Variants in MUC15 observed in about 807,000 individuals in gnomAD.
MUC15 encodes mucin 15, cell surface associated.
A neutral mutation model predicts 24.0 loss-of-function variants in MUC15; 23 were observed. That is an observed-to-expected ratio of 0.96 (90% CI 0.69 to 1.36). The LOEUF is 1.36. Ranked by LOEUF, MUC15 falls within the 40% of genes most tolerant of loss-of-function variation. MUC15 has a pLI of 0.00. For synonymous variants in MUC15, 151 were observed against 156.3 expected (o/e 0.97, Z 0.25); for missense variants, 442 against 428.2 (o/e 1.03, Z -0.29).
At chr11:26,570,752 G>A (rs1850791889) in intron 1 of MUC15, among the ~76,000 whole-genome samples, 1 of 152,084 alleles carries the variant, frequency 6.6e-6, no homozygotes, top group Admixed American at 6.6e-5. Flanking sequence ...CTGCTATGTA[G>A]CTAACATCTC....
In MUC15 at chr11:26,565,346, G is replaced by C; in HGVS notation, c.594C>G (p.Leu198=). The change falls in exon 3 of 5, where the codon CTC becomes CTG. Residue 198 remains leucine, a synonymous_variant. Transcript: ENST00000529533. ...CAGATGGAGAAGTTGGTTCTGAAGA[G>C]AGGATGCTAACTGTAATGGAACTGT... ...PDNSSITVSI[L]SSEPTSPSVT... 1 of 1,612,560 alleles carries C rather than the reference G, an allele frequency of 6.2e-7. No homozygotes were observed. Among genetic ancestry groups the C allele is most frequent in the Non-Finnish European group, 8.5e-7 (1 of 1,179,122 alleles).
In MUC15 at chr11:26,572,242, C is replaced by A. The variant is rs529570673; in HGVS notation, c.-247G>T. On this transcript the variant is annotated 5_prime_UTR_variant, in exon 1 of 5. It adds an upstream start codon to the 5' untranslated region. Coordinates refer to ENST00000529533, the MANE Select transcript of MUC15 (RefSeq NM_001135091.2). ...CAGAGCGCCCAGGAACCTGACTGAC[C>A]TGCTTCTCAGCTGTAAGCATTAAGA... The A allele has an allele frequency of 9.4e-5, 93 of 985,420 alleles. 1 individual carries two copies. The South Asian group carries it at 4.1e-3, about 43-fold the overall frequency. The allele number at this position is 985,420 out of a possible 1,614,324, so 61.0% of individuals were successfully genotyped here.
At chr11:26,571,538 T>G (rs1271744929) in intron 1 of MUC15, among the ~76,000 whole-genome samples, 1 of 152,086 alleles carries the variant, frequency 6.6e-6, no homozygotes, top group African/African-American at 2.4e-5. Flanking sequence ...GAAAAAGATT[T>G]ATAGAAGCTT....
chr11:26,561,126 T>A lies in MUC15; in HGVS notation c.1025A>T (p.Glu342Val), dbSNP rs1007486785. 1 of 1,612,962 alleles carries A rather than the reference T, an allele frequency of 6.2e-7. No homozygotes were observed. The highest frequency in any genetic ancestry group is 8.5e-7 in the Non-Finnish European group (1 of 1,179,304). Reference protein sequence around the residue: ...TLNDSAMPESEENARDGIPMD... With the variant: ...TLNDSAMPESVENARDGIPMD... ...AGGAATGCCATCACGTGCATTTTCT[T>A]CACTTTCTGGCATGGCTGAATCATT... Residue 342 changes from glutamate (E) to valine (V), a missense_variant, in exon 5 of 5, where the codon GAA (glutamate) becomes GTA (valine). Physicochemically the swap from Glu to Val is moderately radical, Grantham distance 121. Transcript: ENST00000529533.
intron 1 of MUC15, among the ~76,000 whole-genome samples, chr11:26,568,783 T>TTTAG (rs780260426): frequency 6.6e-6 from 1 of 151,996 alleles, no homozygotes; most frequent in Non-Finnish European, 1.5e-5. Context: ...TATAATTCAG[T>TTTAG]TTAGTTTAAA....
In MUC15 at chr11:26,559,478, G is replaced by A; in HGVS notation, c.*1587C>T. 2.2e-6 allele frequency: 1 copy of A among 444,610 alleles called. No individual in the cohort carries two copies. Among genetic ancestry groups the A allele is most frequent in the Non-Finnish European group, 4.0e-6 (1 of 248,180 alleles). 27.5% of individuals were successfully genotyped at this position (444,610 alleles called of 1,614,324 possible). On this transcript the variant is annotated 3_prime_UTR_variant, in exon 5 of 5. Transcript: ENST00000529533. Reference sequence around the variant, plus strand: ...ATTTATAATCAGAAATGATGGTGGGGTATAAAGGGAATCAAGAGAGGAGAG... The same window carrying A: ...ATTTATAATCAGAAATGATGGTGGGATATAAAGGGAATCAAGAGAGGAGAG...
At position 26,572,052 on chromosome 11, in the gene MUC15, G is replaced by C. The variant is rs1191940700; in HGVS notation, c.-57C>G. 1 of 984,196 alleles carries C rather than the reference G, an allele frequency of 1.0e-6. No homozygotes were observed. Among genetic ancestry groups the C allele is most frequent in the Non-Finnish European group, 1.2e-6 (1 of 828,988 alleles). 61.0% of individuals were successfully genotyped at this position (984,196 alleles called of 1,614,324 possible). On this transcript the variant is annotated 5_prime_UTR_variant, in exon 1 of 5. Coordinates refer to ENST00000529533, the MANE Select transcript of MUC15 (RefSeq NM_001135091.2). ...CAACGCACACTTACCTTCAGGCTTA[G>C]GAGGTATTTACAATCAGGAACTGAA...
rs1053696529 is a variant in MUC15 at position 26,559,621 on chromosome 11, T to C, written c.*1444A>G. Reference sequence around the variant, plus strand: ...TCTGTACTATAAAATAATATGATTCTATTTGAGAAAAAATCATAGTACCTG... The same window carrying C: ...TCTGTACTATAAAATAATATGATTCCATTTGAGAAAAAATCATAGTACCTG... On this transcript the variant is annotated 3_prime_UTR_variant, in exon 5 of 5. Transcript: ENST00000529533. 6.1e-6 allele frequency: 5 copies of C among 821,248 alleles called. No individual in the cohort carries two copies. Among genetic ancestry groups the C allele is most frequent in the Non-Finnish European group, 4.2e-6 (2 of 474,788 alleles). The allele number at this position is 821,248 out of a possible 1,614,324, so 50.9% of individuals were successfully genotyped here.
Position 26,565,625 on chromosome 11 carries a change from G to A in MUC15, c.315C>T (p.Pro105=), listed in dbSNP as rs985596895. The A allele has an allele frequency of 1.2e-6, 2 of 1,612,280 alleles. No homozygotes were observed. The highest frequency in any genetic ancestry group is 1.7e-6 in the Non-Finnish European group (2 of 1,178,866). Reference sequence around the variant, plus strand: ...AATCTGTTATTCCGTGGCTGTTGTTGGGTAGATTCAAAGGAGGGGAATGAC... The same window carrying A: ...AATCTGTTATTCCGTGGCTGTTGTTAGGTAGATTCAAAGGAGGGGAATGAC... ...KASHSPPLNL[P]NNSHGITDFS... is the part of the protein sequence containing the mutation. The change falls in exon 3 of 5, where the codon CCC becomes CCT. Residue 105 remains proline (P), a synonymous_variant. Transcript: ENST00000529533.
chr11:26,567,275 G>A lies in MUC15; in HGVS notation c.-45-136C>T, dbSNP rs1850627376. On this transcript the variant is annotated intron_variant, in intron 1 of 4. Coordinates refer to ENST00000529533, the MANE Select transcript of MUC15 (RefSeq NM_001135091.2). ...TTTTTTTCCTCAAGCAATAAAATCT[G>A]AGTACTGATTTCATGTTTTTGAATT... 8 of 488,756 alleles carry A rather than the reference G, an allele frequency of 1.6e-5. No individual in the cohort carries two copies. In the East Asian group the frequency reaches 2.7e-4, roughly 17 times the overall value. 30.3% of individuals were successfully genotyped at this position (488,756 alleles called of 1,614,324 possible).
intron 2 of MUC15, 63 bp downstream of exon 2, chr11:26,566,989 A>G: frequency 7.7e-7 from 1 of 1,293,750 alleles, no homozygotes; most frequent in Non-Finnish European, 1.0e-6. Context: ...TTCAAATATA[A>G]TAATATATCT....
At chr11:26,568,124 A>G (rs995223171) in intron 1 of MUC15, among the ~76,000 whole-genome samples, 1 of 152,056 alleles carries the variant, frequency 6.6e-6, no homozygotes, top group Admixed American at 6.6e-5. Context: ...TTCTGTGACA[A>G]CTAAGAAATT....
intron 3 of MUC15, among the ~76,000 whole-genome samples, chr11:26,563,974 C>CT (rs1850409505): frequency 6.6e-6 from 1 of 151,540 alleles, no homozygotes; most frequent in African/African-American, 2.4e-5. Flanking sequence ...TTTTTCTTCT[C>CT]TTTTTTTGAA....
Position 26,565,601 on chromosome 11 carries a change from A to C in MUC15, c.339T>G (p.Asp113Glu), listed in dbSNP as rs1850541775. ...NLPNNSHGIT[D>E]FSSNSSAEHS... ...GCTCTGCTGATGAGTTACTGGAGAA[A>C]TCTGTTATTCCGTGGCTGTTGTTGG... The change falls in exon 3 of 5, where the codon GAT becomes GAG. Residue 113 changes from aspartate to glutamate, a missense_variant. Asp to Glu is a conservative substitution (Grantham distance 45). Coordinates refer to ENST00000529533, the MANE Select transcript of MUC15 (RefSeq NM_001135091.2). 1 of 1,613,304 alleles carries C rather than the reference A, an allele frequency of 6.2e-7. No individual in the cohort carries two copies. Among genetic ancestry groups the C allele is most frequent in the Non-Finnish European group, 8.5e-7 (1 of 1,179,538 alleles).
intron 1 of MUC15, among the ~76,000 whole-genome samples, chr11:26,570,204 C>T (rs1256938250): frequency 1.3e-5 from 2 of 152,034 alleles, no homozygotes; most frequent in Admixed American, 6.6e-5. Context: ...AACAACTCCT[C>T]TACAGAGGGA....
At position 26,572,114 on chromosome 11, in the gene MUC15, GC is replaced by G; in HGVS notation, c.-120del. The G allele has an allele frequency of 1.0e-6, 1 of 985,332 alleles. No individual in the cohort carries two copies. Among genetic ancestry groups the G allele is most frequent in the South Asian group, 4.7e-5 (1 of 21,284 alleles). The allele number at this position is 985,332 out of a possible 1,614,324, so 61.0% of individuals were successfully genotyped here. A position where few individuals can be genotyped will look rare whatever the true frequency, so the allele number is the denominator to read the frequency against. ...GTCCTGTCTGAAAGGAATCTGTCGT[GC>G]ATTAGAGAAAACAGATGGGTTAAGT... On this transcript the variant is annotated 5_prime_UTR_variant, in exon 1 of 5. The change abolishes an upstream ATG in the 5' untranslated region. Transcript: ENST00000529533.
intron 3 of MUC15, 88 bp from the exon 4 acceptor site, chr11:26,563,353 A>C: frequency 7.7e-7 from 1 of 1,292,580 alleles, no homozygotes; most frequent in Non-Finnish European, 1.0e-6. Context: ...ATAACAAAGA[A>C]TGTTTAACAT....
At chr11:26,566,598 A>G (rs1346272447) in intron 2 of MUC15, among the ~76,000 whole-genome samples, 1 of 151,854 alleles carries the variant, frequency 6.6e-6, no homozygotes, top group Non-Finnish European at 1.5e-5. Flanking sequence ...AGATTTAAGG[A>G]TATTCTTTAA....
At chr11:26,562,990 A>C (rs887276887) in intron 4 of MUC15, 126 bp downstream of exon 4, 1 of 1,321,218 alleles carries the variant, frequency 7.6e-7, no homozygotes, top group Non-Finnish European at 1.0e-6. Flanking sequence ...GGATCAGAAT[A>C]AGTCTTTAGT....
Sources: gnomAD v4.1 joint callset for allele counts (sites outside exome capture counted in the v4.1 genomes callset) on GRCh38, gnomAD v4.1.1 for gene constraint, MANE v1.5 for transcripts, NCBI Gene and HGNC (gene_info 2026-07-23, HGNC 2026-07-21) for gene names.